GRAMD4: variants seen among roughly 807,000 people sequenced by gnomAD.
GRAMD4 encodes GRAM domain containing 4, also known as GRAM domain-containing protein 4.
In GRAMD4, 25 loss-of-function variants were observed where a neutral mutation model predicts 83.9. That is an observed-to-expected ratio of 0.30 (90% CI 0.22 to 0.42). The LOEUF is 0.42. Among genes scored for constraint, GRAMD4 ranks in the 10% least tolerant of loss-of-function variants. GRAMD4 has a pLI of 1.00. For missense variants in GRAMD4, 593 were observed against 788.7 expected (o/e 0.75, Z 2.97); for synonymous variants, 336 against 320.9 (o/e 1.05, Z -0.50).
exon 1 of GRAMD4, chr22:46,577,167 G>A (rs1394745490): frequency 6.6e-6 from 3 of 457,384 alleles, no homozygotes; most frequent in African/African-American, 4.3e-5. Context: ...CCGCGGGGCC[G>A]CCTCCTCCCG....
intron 1 of GRAMD4, among the ~76,000 whole-genome samples, chr22:46,578,821 C>T (rs936854573): frequency 1.3e-5 from 2 of 152,244 alleles, no homozygotes; most frequent in African/African-American, 4.8e-5. Flanking sequence ...TCTTGCCTTG[C>T]TCCTGCCTTG....
At position 46,648,767 on chromosome 22, in the gene GRAMD4, CATGGATGGATGGATGG is replaced by C. The variant is rs1220197647; in HGVS notation, c.284-9400_284-9385del. ...GGATGCATGGATGGATGGATGGATG[CATGGATGGATGGATGG>C]ATGGATGGATGGATGGATGCATGGA... On this transcript the variant is annotated intron_variant, in intron 3 of 18. Transcript: ENST00000406902. 2.3e-3 allele frequency among the ~76,000 whole-genome samples: 56 copies of C among 24,752 alleles called. 3 individuals carry two copies. Among genetic ancestry groups the C allele is most frequent in the African/African-American group, 7.3e-3 (46 of 6,304 alleles). 16.2% of individuals were successfully genotyped at this position (24,752 alleles called of 152,430 possible).
chr22:46,616,806 GTGTGTAGGTT>G (rs2081504877), upstream of GRAMD4, among the ~76,000 whole-genome samples: 1 of 141,306 alleles, frequency 7.1e-6, no homozygotes, highest in Admixed American at 6.9e-5. Flanking sequence ...GTTCCCCTGT[GTGTGTAGGTT>G]CCCCTGTGTG....
chr22:46,680,633 T>TTCAC (rs1315928737), downstream of GRAMD4, among the ~76,000 whole-genome samples: 1 of 79,578 alleles, frequency 1.3e-5, no homozygotes, highest in African/African-American at 4.6e-5. Flanking sequence ...CATTCATCCC[T>TTCAC]CCATCCATTC....
intron 1 of GRAMD4, among the ~76,000 whole-genome samples, chr22:46,600,707 C>A (rs568719784): frequency 6.6e-6 from 1 of 152,270 alleles, no homozygotes; most frequent in Non-Finnish European, 1.5e-5. Flanking sequence ...ACTGGCGAGT[C>A]TTTGTGCATG....
chr22:46,577,926 C>T (rs975926306), intron 1 of GRAMD4, among the ~76,000 whole-genome samples: 3 of 152,194 alleles, frequency 2.0e-5, no homozygotes, highest in African/African-American at 7.2e-5. Flanking sequence ...GCCCGAGGCC[C>T]CACATGTCTA....
chr22:46,607,073 A>T (rs116682181), intron 1 of GRAMD4, among the ~76,000 whole-genome samples: 11,357 of 152,192 alleles, frequency 0.075, 725 homozygotes, highest in African/African-American at 0.18. Context: ...CCTCACTCCG[A>T]CAGCCCAGTG....
rs2081455230 is a variant in GRAMD4 at position 46,614,823 on chromosome 22, CTTT to C, written c.-49-11927_-49-11925del. Among the ~76,000 whole-genome samples the C allele has an allele frequency of 2.4e-4, 9 of 37,444 alleles. No homozygotes were observed. In the South Asian group the frequency reaches 8.0e-3, roughly 33 times the overall value. The allele number at this position is 37,444 out of a possible 152,430, so 24.6% of individuals were successfully genotyped here. The stretch of plus-strand genomic sequence containing the variant: ...TCCCCCGTGTGTAGGTTCCCCTGTG[CTTT>C]ATAGGTTCTCCTGTGCTTGTAGCTT... On this transcript the variant is annotated intron_variant, in intron 1 of 1. Transcript: ENST00000431155.
chr22:46,581,997 G>A (rs2081103421), intron 1 of GRAMD4, among the ~76,000 whole-genome samples: 1 of 152,186 alleles, frequency 6.6e-6, no homozygotes, highest in Non-Finnish European at 1.5e-5. Flanking sequence ...GGCCCAGGTG[G>A]GTGGAGAGGC....
intron 1 of GRAMD4, among the ~76,000 whole-genome samples, chr22:46,589,810 G>A (rs1271413132): frequency 6.6e-6 from 1 of 152,134 alleles, no homozygotes; most frequent in East Asian, 1.9e-4. Context: ...CCTGAGGCCT[G>A]CTGCACTGCC....
intron 3 of GRAMD4, among the ~76,000 whole-genome samples, chr22:46,643,164 C>CATGCATGCATCT (rs1569283882): frequency 1.3e-5 from 2 of 151,370 alleles, no homozygotes. Flanking sequence ...TCCATCCATC[C>CATGCATGCATCT]ATCCATCCAT....
At chr22:46,593,642 C>T (rs923595710) in intron 1 of GRAMD4, among the ~76,000 whole-genome samples, 2 of 152,172 alleles carry the variant, frequency 1.3e-5, no homozygotes, top group Non-Finnish European at 2.9e-5. Flanking sequence ...GCTTCCGGGG[C>T]ATAGAATGGG....
At position 46,677,107 on chromosome 22, in the gene GRAMD4, G is replaced by A. The variant is rs2082610983; in HGVS notation, c.1633-40G>A. 5 of 1,608,534 alleles carry A rather than the reference G, an allele frequency of 3.1e-6. No homozygotes were observed. The East Asian group carries it at 8.9e-5, about 29-fold the overall frequency. On this transcript the variant is annotated intron_variant, in intron 18 of 18. Coordinates refer to ENST00000406902, the MANE Select transcript of GRAMD4 (RefSeq NM_015124.5). ...TCGGTCCTGGTCCTGGCGCCAGCCT[G>A]GCTGTGCCATGCTCACTGGTGGCAT...
chr22:46,599,930 T>C (rs2081296451), intron 1 of GRAMD4, among the ~76,000 whole-genome samples: 1 of 152,156 alleles, frequency 6.6e-6, no homozygotes, highest in African/African-American at 2.4e-5. Flanking sequence ...GAATCCCAGG[T>C]GTGTCTCACC....
intron 3 of GRAMD4, among the ~76,000 whole-genome samples, chr22:46,643,212 C>CCTGG (rs2082013113): frequency 7.0e-6 from 1 of 143,124 alleles, no homozygotes. Flanking sequence ...TCTATCCATC[C>CCTGG]ATTTATCCAT....
chr22:46,658,086 C>T, intron 3 of GRAMD4, 101 bp from the exon 4 acceptor site: 1 of 1,394,744 alleles, frequency 7.2e-7, no homozygotes, highest in Non-Finnish European at 1.0e-6. Flanking sequence ...GGAGCAGAGA[C>T]CCCTCTGCTG....
At chr22:46,623,619 A>G (rs1216488323) in intron 1 of GRAMD4, among the ~76,000 whole-genome samples, 1 of 151,740 alleles carries the variant, frequency 6.6e-6, no homozygotes, top group Non-Finnish European at 1.5e-5. Flanking sequence ...GATGGTCTCG[A>G]TGTCCTGACC....
In GRAMD4 at chr22:46,665,478, T is replaced by A. The variant is rs935554674; in HGVS notation, c.718-137T>A. The A allele has an allele frequency of 8.3e-6, 5 of 602,332 alleles. No homozygotes were observed. In the East Asian group the frequency reaches 1.1e-4, roughly 13 times the overall value. 37.3% of individuals were successfully genotyped at this position (602,332 alleles called of 1,614,324 possible). A position where few individuals can be genotyped will look rare whatever the true frequency, so the allele number is the denominator to read the frequency against. On this transcript the variant is annotated intron_variant, in intron 8 of 18. Transcript: ENST00000406902. ...TCCGGCTTCCCCATCAGACGCACCC[T>A]CATCCCTGAGTGTCTGGAGAGCCAG... is the stretch of plus-strand genomic sequence containing the variant.
At chr22:46,680,593 T>TCCACCCAC (rs1415980867), downstream of GRAMD4, among the ~76,000 whole-genome samples, 6 of 12,500 alleles carry the variant, frequency 4.8e-4, no homozygotes, top group African/African-American at 2.2e-3. Flanking sequence ...CATCCATCCA[T>TCCACCCAC]CCACCCACCC....
Sources: allele counts gnomAD v4.1 joint callset (sites outside exome capture counted in the v4.1 genomes callset), GRCh38; gene constraint gnomAD v4.1.1; transcripts MANE v1.5; gene names NCBI Gene and HGNC (gene_info 2026-07-23, HGNC 2026-07-21).